CFAP299: variants seen among roughly 807,000 people sequenced by gnomAD.
CFAP299 encodes the protein cilia and flagella associated protein 299, also known as cilia- and flagella-associated protein 299.
Under a neutral mutation model 27.0 loss-of-function variants are expected in CFAP299, and 21 were observed. That is an observed-to-expected ratio of 0.78 (90% confidence interval 0.55 to 1.12). CFAP299 has a LOEUF of 1.12. Among genes scored for constraint, CFAP299 ranks in the 50% most tolerant of loss-of-function variants. The probability of loss-of-function intolerance (pLI) is 0.00; values close to 1 mark genes in which losing one functional copy is unlikely to be tolerated. For missense variants in CFAP299, 310 were observed against 276.6 expected, an observed-to-expected ratio of 1.12 and a Z score of -0.86; for synonymous variants, 104 against 98.1, an observed-to-expected ratio of 1.06 and a Z score of -0.36.
rs564839983 is a variant in CFAP299 at position 80,639,517 on chromosome 4, G to A, written c.333+56334G>A. 1.2e-4 allele frequency among the ~76,000 whole-genome samples: 19 copies of A among 152,254 alleles called. No homozygotes were observed. In the East Asian group the frequency reaches 3.7e-3, roughly 29 times the overall value. The stretch of plus-strand genomic sequence containing the variant: ...AAATTATTGACAGTTTTAAGACAGT[G>A]ACAGAAAATCATTAAACCACATTTG... On this transcript the variant is annotated intron_variant, in intron 3 of 5. Transcript: ENST00000358105.
chr4:80,403,896 C>G (rs985546874), intron 2 of CFAP299, among the ~76,000 whole-genome samples: 14 of 152,034 alleles, frequency 9.2e-5, no homozygotes, highest in African/African-American at 3.4e-4. Flanking sequence ...TGATTTAAGA[C>G]TTGAGAGTGC....
chr4:80,349,916 A>C (rs1181925682), intron 1 of CFAP299, among the ~76,000 whole-genome samples: 1 of 152,234 alleles, frequency 6.6e-6, no homozygotes, highest in Non-Finnish European at 1.5e-5. Flanking sequence ...ATATTTGAAA[A>C]GAGTCAGAAT....
At chr4:80,654,238 A>C (rs189311300) in intron 3 of CFAP299, among the ~76,000 whole-genome samples, 1 of 152,144 alleles carries the variant, frequency 6.6e-6, no homozygotes, top group Admixed American at 6.6e-5. Context: ...TTCAAAATAG[A>C]TAAAGTGCAT....
At chr4:80,801,072 C>G (rs897352377) in intron 3 of CFAP299, among the ~76,000 whole-genome samples, 1 of 151,740 alleles carries the variant, frequency 6.6e-6, no homozygotes, top group Non-Finnish European at 1.5e-5. Context: ...TCCCAGCCCA[C>G]TGACTCAAAT....
intron 2 of CFAP299, among the ~76,000 whole-genome samples, chr4:80,559,785 C>G (rs1381118061): frequency 6.6e-6 from 1 of 152,148 alleles, no homozygotes; most frequent in Admixed American, 6.6e-5. Flanking sequence ...TTAAACCAGC[C>G]CTAGCCAGAA....
rs181092044 is a variant in CFAP299 at position 80,830,271 on chromosome 4, A to G, written c.334-39722A>G. 7.4e-4 allele frequency among the ~76,000 whole-genome samples: 112 copies of G among 152,230 alleles called. 1 individual carries two copies. The highest frequency in any genetic ancestry group is 6.0e-3 in the Admixed American group (91 of 15,262). On this transcript the variant is annotated intron_variant, in intron 3 of 5. Coordinates refer to ENST00000358105, the MANE Select transcript of CFAP299 (RefSeq NM_152770.3). ...GTATGAAATGCACTAAAATGGATAA[A>G]TAATTAAATTACAATAAAATATGAT...
chr4:80,347,085 G>T (rs572330756), intron 1 of CFAP299, among the ~76,000 whole-genome samples: 126 of 152,160 alleles, frequency 8.3e-4, no homozygotes, highest in Non-Finnish European at 8.4e-4. Context: ...GTCTGTTATT[G>T]GTGTTTAGGA....
At chr4:80,933,975 A>G (rs1488208880) in intron 4 of CFAP299, among the ~76,000 whole-genome samples, 1 of 152,114 alleles carries the variant, frequency 6.6e-6, no homozygotes, top group Non-Finnish European at 1.5e-5. Context: ...TTGAATATAA[A>G]TGGTGAGAGT....
Position 80,799,913 on chromosome 4 carries a change from A to C in CFAP299, c.334-70080A>C, listed in dbSNP as rs1241765203. The stretch of plus-strand genomic sequence containing the variant: ...TATAAATTATATATTATAATATAAT[A>C]TATAATATATATATTTATATATTAT... On this transcript the variant is annotated intron_variant, in intron 3 of 5. Coordinates refer to ENST00000358105, the MANE Select transcript of CFAP299 (RefSeq NM_152770.3). 1.7e-3 allele frequency among the ~76,000 whole-genome samples: 72 copies of C among 42,840 alleles called. 2 individuals are homozygous for C. Among genetic ancestry groups the C allele is most frequent in the African/African-American group, 7.3e-3 (70 of 9,558 alleles). The allele number at this position is 42,840 out of a possible 152,430, so 28.1% of individuals were successfully genotyped here.
chr4:80,870,032 G>C lies in CFAP299; in HGVS notation c.373G>C (p.Glu125Gln), dbSNP rs1188853425. The C allele has an allele frequency of 1.9e-6, 3 of 1,613,248 alleles. No individual in the cohort carries two copies. The highest frequency in any genetic ancestry group is 2.5e-6 in the Non-Finnish European group (3 of 1,179,584). Reference sequence around the variant, plus strand: ...TCGTGACAGAAATTCTCATGGGCAAGAGATATCAGGATACATCGACTATGC... The same window carrying C: ...TCGTGACAGAAATTCTCATGGGCAACAGATATCAGGATACATCGACTATGC... Reference protein sequence around the residue: ...FIRDRNSHGQEISGYIDYAHR... With the variant: ...FIRDRNSHGQQISGYIDYAHR... Residue 125 changes from glutamate to glutamine, a missense_variant, in exon 4 of 6, where the codon GAG becomes CAG. Coordinates refer to ENST00000358105, the MANE Select transcript of CFAP299 (RefSeq NM_152770.3).
intron 2 of CFAP299, among the ~76,000 whole-genome samples, chr4:80,467,575 C>T (rs1314614611): frequency 6.6e-6 from 1 of 152,158 alleles, no homozygotes; most frequent in African/African-American, 2.4e-5. Context: ...GTCACAGCTT[C>T]ACCTGGGTCC....
intron 3 of CFAP299, among the ~76,000 whole-genome samples, chr4:80,586,550 A>G (rs1235449354): frequency 6.6e-6 from 1 of 152,160 alleles, no homozygotes; most frequent in African/African-American, 2.4e-5. Flanking sequence ...GTCCATTTTA[A>G]CTTATAGTCT....
intron 3 of CFAP299, among the ~76,000 whole-genome samples, chr4:80,664,887 G>A (rs549230078): frequency 6.6e-6 from 1 of 152,238 alleles, no homozygotes; most frequent in South Asian, 2.1e-4. Flanking sequence ...TCTGTTCTGT[G>A]GATTGCGAAG....
chr4:80,807,813 T>A (rs1728942765), intron 3 of CFAP299, among the ~76,000 whole-genome samples: 1 of 152,136 alleles, frequency 6.6e-6, no homozygotes, highest in Non-Finnish European at 1.5e-5. Flanking sequence ...TATTTCTGTT[T>A]ATTAATAATG....
chr4:80,842,215 T>C (rs72881562), intron 3 of CFAP299, among the ~76,000 whole-genome samples: 5,414 of 152,214 alleles, frequency 0.036, 201 homozygotes, highest in African/African-American at 0.099. Flanking sequence ...AAGTTCTAAC[T>C]CTGACTTTTT....
chr4:80,364,896 C>T (rs963845817), intron 2 of CFAP299, among the ~76,000 whole-genome samples: 10 of 152,260 alleles, frequency 6.6e-5, no homozygotes, highest in South Asian at 2.1e-4. Context: ...CTGAGGAAAA[C>T]GGCTTCCAGC....
chr4:80,801,601 T>G (rs1370477056), intron 3 of CFAP299, among the ~76,000 whole-genome samples: 1 of 137,048 alleles, frequency 7.3e-6, no homozygotes, highest in Non-Finnish European at 1.5e-5. Context: ...AATATTCTGC[T>G]TCTTCTGACT....
intron 2 of CFAP299, among the ~76,000 whole-genome samples, chr4:80,578,496 C>T (rs1220069071): frequency 6.6e-6 from 1 of 152,202 alleles, no homozygotes; most frequent in East Asian, 1.9e-4. Context: ...TTATCTTCCT[C>T]ATTGAGTTTA....
At chr4:80,772,156 A>G (rs1726254954) in intron 3 of CFAP299, among the ~76,000 whole-genome samples, 1 of 152,174 alleles carries the variant, frequency 6.6e-6, no homozygotes, top group African/African-American at 2.4e-5. Context: ...TGGCAGGAAA[A>G]CACCTTTAAG....
Sources: gnomAD v4.1 joint callset for allele counts (sites outside exome capture counted in the v4.1 genomes callset) on GRCh38, gnomAD v4.1.1 for gene constraint, MANE v1.5 for transcripts, NCBI Gene and HGNC (gene_info 2026-07-23, HGNC 2026-07-21) for gene names.